The following CDS2 variants were observed in gnomAD, a reference collection of about 807,000 sequenced individuals.
CDS2 encodes phosphatidate cytidylyltransferase 2.
A neutral mutation model predicts 59.0 loss-of-function variants in CDS2; 47 were observed. That is an observed-to-expected ratio of 0.80 (90% CI 0.63 to 1.02). The LOEUF (loss-of-function observed/expected upper bound fraction) is 1.02. CDS2 is among the 50% of genes least tolerant of loss of function. The pLI, the probability that CDS2 is intolerant of heterozygous loss-of-function variation, is 0.00. For missense variants in CDS2, 356 were observed against 558.9 expected (o/e 0.64, Z 3.66); for synonymous variants, 207 against 206.4 (o/e 1.00, Z -0.02).
Position 5,127,157 on chromosome 20 carries a change from CA to C in CDS2, c.57+9del, listed in dbSNP as rs988354168. The C allele has an allele frequency of 1.3e-6, 2 of 1,489,156 alleles. No homozygotes were observed. The highest frequency in any genetic ancestry group is 2.9e-5 in the African/African-American group (2 of 68,540). The allele number at this position is 1,489,156 out of a possible 1,614,324, so 92.2% of individuals were successfully genotyped here. ...GCGCCACCCGAGGACAAGGTAGCGG[CA>C]GCGTCGGGGTGGGCGCGGCCGGGAC... On this transcript the variant is annotated intron_variant, in intron 1 of 12. Coordinates refer to ENST00000460006, the MANE Select transcript of CDS2 (RefSeq NM_003818.4).
At chr20:5,178,137 C>T (rs955405658) in intron 4 of CDS2, among the ~76,000 whole-genome samples, 10 of 152,286 alleles carry the variant, frequency 6.6e-5, no homozygotes, top group South Asian at 2.1e-4. Context: ...TTCTCATGAA[C>T]GCCAGTTGAG....
At chr20:5,162,961 T>C (rs568861266) in intron 1 of CDS2, among the ~76,000 whole-genome samples, 9 of 152,340 alleles carry the variant, frequency 5.9e-5, no homozygotes, top group South Asian at 4.1e-4. Context: ...TATTTACTTA[T>C]GTTTGAAGAT....
In CDS2 at chr20:5,185,817, T is replaced by C; in HGVS notation, c.819T>C (p.Phe273=). 6.2e-7 allele frequency: 1 copy of C among 1,614,200 alleles called. No homozygotes were observed. The highest frequency in any genetic ancestry group is 1.1e-5 in the South Asian group (1 of 91,090). ...FIGGFFATVV[F]GLLLSYVMSG... ...GGGGCTTCTTTGCTACTGTGGTGTT[T>C]GGCCTTCTGGTAGGTGGTGGCTTTC... Residue 273 remains phenylalanine (F), a synonymous_variant, in exon 9 of 13, where the codon TTT becomes TTC. Transcript: ENST00000460006.
In CDS2 at chr20:5,185,750, G is replaced by A; in HGVS notation, c.760-8G>A. The A allele has an allele frequency of 1.2e-6, 2 of 1,614,060 alleles. No individual in the cohort carries two copies. The highest frequency in any genetic ancestry group is 2.2e-5 in the East Asian group (1 of 44,882). ...ACCCTTTGCTGAGAACTTGCTCTCT[G>A]TCCACAGCTGTCCCCGAAGAAGACC... On this transcript the variant is annotated splice_region_variant and splice_polypyrimidine_tract_variant and intron_variant, in intron 8 of 12. Transcript: ENST00000460006.
At chr20:5,163,126 T>C (rs1052140011) in intron 1 of CDS2, among the ~76,000 whole-genome samples, 1 of 152,240 alleles carries the variant, frequency 6.6e-6, no homozygotes, top group Admixed American at 6.5e-5. Context: ...TGAGGATCAC[T>C]TGAGGCCAGA....
chr20:5,145,042 G>A (rs80044017), intron 1 of CDS2, among the ~76,000 whole-genome samples: 2,013 of 152,196 alleles, frequency 0.013, 54 homozygotes, highest in African/African-American at 0.041. Flanking sequence ...TGTGGAAGAG[G>A]AACAGGATGG....
intron 1 of CDS2, among the ~76,000 whole-genome samples, chr20:5,149,986 A>G (rs1441014429): frequency 1.3e-5 from 2 of 152,184 alleles, no homozygotes; most frequent in African/African-American, 4.8e-5. Flanking sequence ...AAGTGCTAGG[A>G]TTACAGGTGT....
chr20:5,193,146 C>T lies in CDS2; in HGVS notation c.*2912C>T, dbSNP rs1297084831. 1 of 152,224 alleles carries T rather than the reference C, an allele frequency of 6.6e-6. No individual in the cohort carries two copies. The highest frequency in any genetic ancestry group is 2.4e-5 in the African/African-American group (1 of 41,454). The allele number at this position is 152,224 out of a possible 1,614,324, so 9.4% of individuals were successfully genotyped here. ...CTGCTCATGACCGCTCACAGGGTACCGAGTCTTTGCCTTTTGTGTGTGCGC... is the reference window on the plus strand; with the variant it reads ...CTGCTCATGACCGCTCACAGGGTACTGAGTCTTTGCCTTTTGTGTGTGCGC... On this transcript the variant is annotated 3_prime_UTR_variant, in exon 13 of 13. Transcript: ENST00000460006.
Position 5,158,164 on chromosome 20 carries a change from C to CTT in CDS2, c.58-15339_58-15338dup, listed in dbSNP as rs397865587. Among the ~76,000 whole-genome samples, 676 of 107,816 alleles carry CTT rather than the reference C, an allele frequency of 6.3e-3. 7 individuals carry two copies. The highest frequency in any genetic ancestry group is 0.02 in the African/African-American group (575 of 29,082). 70.7% of individuals were successfully genotyped at this position (107,816 alleles called of 152,430 possible). A position where few individuals can be genotyped will look rare whatever the true frequency, so the allele number is the denominator to read the frequency against. On this transcript the variant is annotated intron_variant, in intron 1 of 12. Coordinates refer to ENST00000460006, the MANE Select transcript of CDS2 (RefSeq NM_003818.4). ...CAAAAGATTGGCTCCTGCTTTAGGT[C>CTT]TTTTTTTTTTTTTTTTTTTTTAAGA...
chr20:5,160,931 A>G (rs1327307193), intron 1 of CDS2, among the ~76,000 whole-genome samples: 1 of 152,202 alleles, frequency 6.6e-6, no homozygotes, highest in Non-Finnish European at 1.5e-5. Flanking sequence ...TATGTATACT[A>G]CATTTTGTTC....
intron 1 of CDS2, among the ~76,000 whole-genome samples, chr20:5,133,498 TA>T (rs769098443): frequency 2.4e-4 from 37 of 151,968 alleles, no homozygotes; most frequent in Non-Finnish European, 4.3e-4. Context: ...GTTGGTTAGA[TA>T]CAGAATGGTT....
intron 3 of CDS2, chr20:5,175,504 C>T: frequency 2.3e-6 from 1 of 435,836 alleles, no homozygotes. Context: ...AGTGTCTTTT[C>T]TTTTAAAAAA....
chr20:5,138,671 A>C (rs1388365797), intron 1 of CDS2, among the ~76,000 whole-genome samples: 1 of 151,834 alleles, frequency 6.6e-6, no homozygotes, highest in Non-Finnish European at 1.5e-5. Flanking sequence ...TTTTTAGTAG[A>C]GACAGGGTTT....
chr20:5,186,500 C>A (rs2091068720), intron 9 of CDS2, among the ~76,000 whole-genome samples, 187 bp from the exon 10 acceptor site: 1 of 151,340 alleles, frequency 6.6e-6, no homozygotes, highest in African/African-American at 2.4e-5. Flanking sequence ...CTTGGTGGGT[C>A]ATGAGCCTCT....
Position 5,175,124 on chromosome 20 carries a change from A to G in CDS2, c.195-59A>G. ...AGATCCATATCCCTTGAGTTTGTGC[A>G]TTGGTTTTTTTCTGGGCTCCTAACT... On this transcript the variant is annotated intron_variant, in intron 2 of 12. Coordinates refer to ENST00000460006, the MANE Select transcript of CDS2 (RefSeq NM_003818.4). 5 of 1,230,752 alleles carry G rather than the reference A, an allele frequency of 4.1e-6. No individual in the cohort carries two copies. In the Admixed American group the frequency reaches 6.8e-5, roughly 17 times the overall value. The allele number at this position is 1,230,752 out of a possible 1,614,324, so 76.2% of individuals were successfully genotyped here. A position where few individuals can be genotyped will look rare whatever the true frequency, so the allele number is the denominator to read the frequency against.
chr20:5,134,721 A>G (rs2122950754), intron 1 of CDS2, among the ~76,000 whole-genome samples: 1 of 152,222 alleles, frequency 6.6e-6, no homozygotes, highest in Admixed American at 6.5e-5. Context: ...GGGTTTCACC[A>G]TGTTGGCCAG....
At position 5,189,809 on chromosome 20, in the gene CDS2, T is replaced by C. The variant is rs1600520351; in HGVS notation, c.1176T>C (p.Phe392=). The change falls in exon 12 of 13, where the codon TTT becomes TTC. Residue 392 remains phenylalanine (F), a synonymous_variant. Transcript: ENST00000460006. ...RFDCQYLMAT[F]VNVYIASFIR... ...ACTGCCAGTATCTGATGGCCACCTT[T>C]GTCAATGTATACATCGCCAGTTTTA... 6.2e-7 allele frequency: 1 copy of C among 1,614,026 alleles called. No homozygotes were observed. The highest frequency in any genetic ancestry group is 2.2e-5 in the East Asian group (1 of 44,884).
At chr20:5,153,266 T>C (rs114462518) in intron 1 of CDS2, among the ~76,000 whole-genome samples, 1,934 of 152,340 alleles carry the variant, frequency 0.013, 49 homozygotes, top group African/African-American at 0.042. Context: ...ATGTACACTT[T>C]TTATTAAAGT....
Position 5,175,441 on chromosome 20 carries a change from G to A in CDS2, c.291+162G>A, listed in dbSNP as rs1384147104. ...ATCTGTGACTTCCCACTTCTCAGTA[G>A]CCACCTGGAGGGTCATTGGTGTAGG... On this transcript the variant is annotated intron_variant, in intron 3 of 12. Coordinates refer to ENST00000460006, the MANE Select transcript of CDS2 (RefSeq NM_003818.4). 10 of 597,860 alleles carry A rather than the reference G, an allele frequency of 1.7e-5. No individual in the cohort carries two copies. The African/African-American group carries it at 1.7e-4, about 10-fold the overall frequency. 37.0% of individuals were successfully genotyped at this position (597,860 alleles called of 1,614,324 possible). A position where few individuals can be genotyped will look rare whatever the true frequency, so the allele number is the denominator to read the frequency against.
Sources: gnomAD v4.1 joint callset for allele counts (sites outside exome capture counted in the v4.1 genomes callset) on GRCh38, gnomAD v4.1.1 for gene constraint, MANE v1.5 for transcripts, NCBI Gene and HGNC (gene_info 2026-07-23, HGNC 2026-07-21) for gene names.